COG4: variants seen among roughly 807,000 people sequenced by gnomAD.
COG4 encodes conserved oligomeric Golgi complex subunit 4.
Under a neutral mutation model 95.1 loss-of-function variants are expected in COG4, and 65 were observed. That is an observed-to-expected ratio of 0.68 (90% CI 0.56 to 0.84). The LOEUF is 0.84. COG4 is among the 40% of genes least tolerant of loss of function. The pLI is 0.00. For synonymous variants in COG4, 421 were observed against 374.8 expected (o/e 1.12, Z -1.42); for missense variants, 1,045 against 989.1 (o/e 1.06, Z -0.76).
chr16:70,506,545 C>G (rs2049571344), intron 8 of COG4, among the ~76,000 whole-genome samples: 1 of 131,962 alleles, frequency 7.6e-6, no homozygotes, highest in South Asian at 2.5e-4. Context: ...GAGTCGATAT[C>G]ACACCATGCC....
intron 5 of COG4, among the ~76,000 whole-genome samples, chr16:70,511,736 T>C (rs1462337719): frequency 6.6e-6 from 1 of 151,920 alleles, no homozygotes; most frequent in Non-Finnish European, 1.5e-5. Context: ...AGTTCGAGAC[T>C]AGCCTGACCA....
At chr16:70,484,826 G>A (rs2049094149) in intron 13 of COG4, among the ~76,000 whole-genome samples, 1 of 152,120 alleles carries the variant, frequency 6.6e-6, no homozygotes, top group African/African-American at 2.4e-5. Flanking sequence ...TTGAGCCCAA[G>A]GGTTCAAGGT....
At chr16:70,509,424 T>G (rs368589251) in intron 6 of COG4, 36 bp from the exon 7 acceptor site, 6 of 1,612,482 alleles carry the variant, frequency 3.7e-6, no homozygotes, top group East Asian at 2.2e-5. Context: ...ATATTCCAAG[T>G]ATTCTTCCTA....
At position 70,500,486 on chromosome 16, in the gene COG4, G is replaced by A. The variant is rs944912286; in HGVS notation, c.1195+472C>T. On this transcript the variant is annotated intron_variant, in intron 9 of 18. Transcript: ENST00000323786. ...AGCAATTCTCCCGTCTCAACCTCCC[G>A]AGTAGCTGGGACTGCAGGTGTATTG... 7.5e-5 allele frequency among the ~76,000 whole-genome samples: 11 copies of A among 145,714 alleles called. No homozygotes were observed. In the East Asian group the frequency reaches 1.6e-3, roughly 21 times the overall value.
chr16:70,500,437 T>C (rs2049425447), intron 9 of COG4, among the ~76,000 whole-genome samples: 1 of 147,034 alleles, frequency 6.8e-6, no homozygotes, highest in African/African-American at 2.6e-5. Context: ...GGCGTGATCT[T>C]GGCCCTATGC....
In COG4 at chr16:70,482,828, A is replaced by G. The variant is rs746447374; in HGVS notation, c.1828-7T>C. On this transcript the variant is annotated splice_polypyrimidine_tract_variant and splice_region_variant and intron_variant, in intron 14 of 18. Coordinates refer to ENST00000323786, the MANE Select transcript of COG4 (RefSeq NM_015386.3). ...TGAGCTCCGTCAGCCCTTCCTGCAC[A>G]AGGACAAGGTGGAGACATGTGACAC... is the stretch of plus-strand genomic sequence containing the variant. 6.2e-7 allele frequency: 1 copy of G among 1,611,970 alleles called. No homozygotes were observed. Among genetic ancestry groups the G allele is most frequent in the Non-Finnish European group, 8.5e-7 (1 of 1,178,392 alleles).
In COG4 at chr16:70,510,326, A is replaced by AT. The variant is rs900175061; in HGVS notation, c.739-306dup. Reference sequence around the variant, plus strand: ...TCTTCTCAAAGGGTAACTTTCTATTATTTTTTAAAATAAGACAGAAACTCA... The same window carrying AT: ...TCTTCTCAAAGGGTAACTTTCTATTATTTTTTTAAAATAAGACAGAAACTCA... On this transcript the variant is annotated intron_variant, in intron 5 of 18. Transcript: ENST00000323786. 1.8e-4 allele frequency among the ~76,000 whole-genome samples: 28 copies of AT among 152,246 alleles called. 2 individuals are homozygous for AT. The highest frequency in any genetic ancestry group is 6.7e-4 in the African/African-American group (28 of 41,540).
chr16:70,510,047 A>G, intron 5 of COG4, 26 bp from the exon 6 acceptor site: 2 of 1,583,400 alleles, frequency 1.3e-6, no homozygotes, highest in Non-Finnish European at 1.7e-6. Context: ...ACCCACACAC[A>G]TTCCTCAGAA....
At chr16:70,482,906 T>A in intron 14 of COG4, 85 bp from the exon 15 acceptor site, 1 of 990,162 alleles carries the variant, frequency 1.0e-6, no homozygotes, top group African/African-American at 1.6e-5. Context: ...CTTCCCTCTA[T>A]CCTCTCCCCA....
In COG4 at chr16:70,480,967, C is replaced by A; in HGVS notation, c.*43G>T. The A allele has an allele frequency of 6.2e-7, 1 of 1,609,136 alleles. No homozygotes were observed. The highest frequency in any genetic ancestry group is 8.5e-7 in the Non-Finnish European group (1 of 1,179,700). ...TCCTTGGCTGGGGCCCCTTAGGGAA[C>A]AGGCCTGCAAGTGTGATGAGCCAGG... On this transcript the variant is annotated 3_prime_UTR_variant, in exon 19 of 19. Transcript: ENST00000323786.
rs750412872 is a variant in COG4, at chr16:70,482,802, T to G, written c.1847A>C (p.Asn616Thr). The G allele has an allele frequency of 2.2e-5, 36 of 1,613,638 alleles. No individual in the cohort carries two copies. The South Asian group carries it at 2.3e-4, about 10-fold the overall frequency. The change falls in exon 15 of 19, where the codon AAC (asparagine) becomes ACC (threonine). Residue 616 changes from asparagine to threonine, a missense_variant. Coordinates refer to ENST00000323786, the MANE Select transcript of COG4 (RefSeq NM_015386.3). ...CACCTGTGGCTTGATGGCTGTGCTG[T>G]TGAGCTCCGTCAGCCCTTCCTGCAC... is the stretch of plus-strand genomic sequence containing the variant. ...DLLQEGLTEL[N>T]STAIKPQVQP...
At chr16:70,507,258 C>T (rs775213800) in intron 8 of COG4, among the ~76,000 whole-genome samples, 6 of 151,180 alleles carry the variant, frequency 4.0e-5, no homozygotes, top group Admixed American at 6.6e-5. Flanking sequence ...AGCAAAAAAA[C>T]CCCAAAACAA....
chr16:70,497,334 A>T lies in COG4; in HGVS notation c.1368T>A (p.Asp456Glu). 6.2e-7 allele frequency: 1 copy of T among 1,614,102 alleles called. No individual in the cohort carries two copies. The highest frequency in any genetic ancestry group is 2.2e-5 in the East Asian group (1 of 44,888). ...ACTTCTTAACAATGTAGAAGACATC[A>T]TCCACCATGCTGGATGTCAGCTGGC... ...EKGQLTSSMV[D>E]DVFYIVKKCI... Residue 456 changes from aspartate (D) to glutamate (E), a missense_variant, in exon 11 of 19, where the codon GAT becomes GAA. Transcript: ENST00000323786.
chr16:70,521,455 C>T (rs144764460), intron 1 of COG4, among the ~76,000 whole-genome samples: 5,329 of 152,044 alleles, frequency 0.035, 284 homozygotes, highest in East Asian at 0.2. Context: ...CTCCTGACCT[C>T]GGGTGATCCA....
chr16:70,487,801 A>G (rs966784969), intron 13 of COG4, among the ~76,000 whole-genome samples: 1 of 151,934 alleles, frequency 6.6e-6, no homozygotes. Flanking sequence ...GTTAATTTTA[A>G]ATTTATTTTT....
chr16:70,510,016 G>A lies in COG4; in HGVS notation c.744C>T (p.Ala248=). The change falls in exon 6 of 19, where the codon GCC becomes GCT. Residue 248 remains alanine, a synonymous_variant. Coordinates refer to ENST00000323786, the MANE Select transcript of COG4 (RefSeq NM_015386.3). ...KFSEYLCKQV[A]SKAEENLLMV... ...TGAGCAGATTCTCCTCAGCTTTACT[G>A]GCCACCTAAAAAAGGAGAAAACCCA... 1 of 1,613,562 alleles carries A rather than the reference G, an allele frequency of 6.2e-7. No homozygotes were observed. The highest frequency in any genetic ancestry group is 8.5e-7 in the Non-Finnish European group (1 of 1,179,604).
intron 2 of COG4, among the ~76,000 whole-genome samples, chr16:70,518,643 G>C (rs2049873647): frequency 6.6e-6 from 1 of 152,002 alleles, no homozygotes; most frequent in African/African-American, 2.4e-5. Context: ...CGCAGCCAGG[G>C]AACAATTTTT....
intron 12 of COG4, among the ~76,000 whole-genome samples, chr16:70,491,084 A>G (rs530044178): frequency 6.6e-6 from 1 of 152,194 alleles, no homozygotes; most frequent in Non-Finnish European, 1.5e-5. Flanking sequence ...CCTGACATTC[A>G]TTAAAGAAAA....
At chr16:70,493,459 A>C (rs2049284354) in intron 12 of COG4, among the ~76,000 whole-genome samples, 1 of 152,120 alleles carries the variant, frequency 6.6e-6, no homozygotes, top group African/African-American at 2.4e-5. Flanking sequence ...GGTGACTACC[A>C]TGTTGGGCAG....
Sources: gnomAD v4.1 joint callset for allele counts (sites outside exome capture counted in the v4.1 genomes callset) on GRCh38, gnomAD v4.1.1 for gene constraint, MANE v1.5 for transcripts, NCBI Gene and HGNC (gene_info 2026-07-23, HGNC 2026-07-21) for gene names.